The following CLDN10 variants were observed in gnomAD, a reference collection of about 807,000 sequenced individuals.
The protein encoded by CLDN10 is claudin-10.
In CLDN10, 15 loss-of-function variants were observed where a neutral mutation model predicts 22.9. That is an observed-to-expected ratio of 0.65 (90% CI 0.44 to 1.01). CLDN10 has a LOEUF of 1.01. Ranked by LOEUF, CLDN10 falls within the 50% of genes least tolerant of loss-of-function variation. The probability of loss-of-function intolerance (pLI) is 0.00; values close to 1 mark genes in which losing one functional copy is unlikely to be tolerated. For synonymous variants in CLDN10, 114 were observed against 111.4 expected, an observed-to-expected ratio of 1.02 and a Z score of -0.15; for missense variants, 247 against 287.8, an observed-to-expected ratio of 0.86 and a Z score of 1.03.
intron 1 of CLDN10, among the ~76,000 whole-genome samples, chr13:95,459,447 A>T (rs2042513820): frequency 6.6e-6 from 1 of 152,228 alleles, no homozygotes; most frequent in Non-Finnish European, 1.5e-5. Context: ...AAATCTAGGC[A>T]GAGGTTCTCA....
chr13:95,551,536 A>T (rs1053753391), upstream of CLDN10, among the ~76,000 whole-genome samples: 190 of 152,206 alleles, frequency 1.2e-3, 2 homozygotes, highest in African/African-American at 4.3e-3. Context: ...AAAAAAAAAA[A>T]GTGACAAAGG....
At chr13:95,478,479 G>A (rs2139111618) in intron 1 of CLDN10, among the ~76,000 whole-genome samples, 1 of 152,314 alleles carries the variant, frequency 6.6e-6, no homozygotes, top group South Asian at 2.1e-4. Context: ...TTGCCATACG[G>A]AAGATATAAT....
intron 3 of CLDN10, among the ~76,000 whole-genome samples, chr13:95,565,214 C>T (rs1407761646): frequency 5.9e-5 from 9 of 152,144 alleles, no homozygotes; most frequent in South Asian, 2.1e-4. Context: ...AATTTAATTA[C>T]GTTATTCCCA....
chr13:95,575,177 G>A (rs1323280528), intron 3 of CLDN10, among the ~76,000 whole-genome samples: 1 of 152,174 alleles, frequency 6.6e-6, no homozygotes, highest in African/African-American at 2.4e-5. Flanking sequence ...ATAGTTTCAG[G>A]AGAGAAGATA....
intron 1 of CLDN10, among the ~76,000 whole-genome samples, chr13:95,524,128 G>T (rs1594586309): frequency 7.4e-6 from 1 of 135,370 alleles, no homozygotes; most frequent in African/African-American, 2.7e-5. Flanking sequence ...GTCTCACTCT[G>T]CTTTGACTGG....
intron 1 of CLDN10, among the ~76,000 whole-genome samples, chr13:95,480,710 A>G (rs2042737898): frequency 6.6e-6 from 1 of 152,224 alleles, no homozygotes; most frequent in Non-Finnish European, 1.5e-5. Context: ...AGGAATTTGC[A>G]TTTTAAGCAA....
intron 1 of CLDN10, among the ~76,000 whole-genome samples, chr13:95,459,918 T>C (rs1181344221): frequency 2.0e-5 from 3 of 152,230 alleles, no homozygotes; most frequent in Non-Finnish European, 4.4e-5. Context: ...TGTGAATGCA[T>C]ACAACTGAAT....
At chr13:95,439,340 A>T in intron 1 of CLDN10, among the ~76,000 whole-genome samples, 1 of 141,124 alleles carries the variant, frequency 7.1e-6, no homozygotes, top group Non-Finnish European at 1.5e-5. Context: ...CCTCTTTTTT[A>T]TGTTATTATT....
chr13:95,507,695 T>C (rs971371104), intron 1 of CLDN10, among the ~76,000 whole-genome samples: 1 of 151,896 alleles, frequency 6.6e-6, no homozygotes, highest in African/African-American at 2.4e-5. Flanking sequence ...GCAATCTTGG[T>C]TAACCACAAC....
At chr13:95,518,924 A>G (rs1212039311) in intron 1 of CLDN10, among the ~76,000 whole-genome samples, 1 of 152,160 alleles carries the variant, frequency 6.6e-6, no homozygotes, top group East Asian at 1.9e-4. Context: ...ATTTTGGTTT[A>G]GAGTGTGATC....
intron 1 of CLDN10, among the ~76,000 whole-genome samples, chr13:95,454,069 G>A (rs536906573): frequency 3.9e-5 from 6 of 152,204 alleles, no homozygotes; most frequent in African/African-American, 7.2e-5. Context: ...AGATCTACCC[G>A]CAACCAGGTT....
chr13:95,532,792 C>CAAAAA (rs57500288), intron 1 of CLDN10, among the ~76,000 whole-genome samples: 16,869 of 61,730 alleles, frequency 0.27, 2,708 homozygotes, highest in South Asian at 0.29. Flanking sequence ...CTCAATTCAG[C>CAAAAA]AAAAAAAAAA....
intron 1 of CLDN10, among the ~76,000 whole-genome samples, chr13:95,444,613 G>A (rs900281693): frequency 2.0e-5 from 3 of 152,232 alleles, no homozygotes; most frequent in Non-Finnish European, 2.9e-5. Flanking sequence ...TGTCTTGAAA[G>A]ATGGGCGAAG....
intron 1 of CLDN10, among the ~76,000 whole-genome samples, chr13:95,524,266 C>T (rs1001683361): frequency 3.3e-5 from 5 of 152,202 alleles, no homozygotes; most frequent in African/African-American, 1.2e-4. Context: ...GCCTTTCACA[C>T]GTTTTGAAAA....
chr13:95,566,271 AT>A (rs1253838813), intron 3 of CLDN10, among the ~76,000 whole-genome samples: 2 of 152,120 alleles, frequency 1.3e-5, no homozygotes, highest in Non-Finnish European at 2.9e-5. Context: ...ATTTCTCCAC[AT>A]CCTCCCCAGA....
chr13:95,543,213 C>G (rs1321016780), intron 1 of CLDN10, among the ~76,000 whole-genome samples: 1 of 151,586 alleles, frequency 6.6e-6, no homozygotes, highest in Non-Finnish European at 1.5e-5. Context: ...GCCTGGGCGA[C>G]AGAGCGAGAC....
At chr13:95,457,142 G>A (rs2042489521) in intron 1 of CLDN10, among the ~76,000 whole-genome samples, 1 of 152,116 alleles carries the variant, frequency 6.6e-6, no homozygotes, top group Non-Finnish European at 1.5e-5. Context: ...CTGTTGTTGT[G>A]TATGCATTTG....
chr13:95,475,213 C>T (rs1482581101), intron 1 of CLDN10, among the ~76,000 whole-genome samples: 1 of 152,330 alleles, frequency 6.6e-6, no homozygotes, highest in Admixed American at 6.5e-5. Context: ...ACCCCTGCCC[C>T]CTGCTGCCTG....
intron 1 of CLDN10, chr13:95,434,058 T>C (rs921925094): frequency 6.8e-6 from 11 of 1,609,458 alleles, no homozygotes; most frequent in East Asian, 4.5e-5. Context: ...GTAAATATAA[T>C]GGCTTTGTTT....
Sources: allele counts gnomAD v4.1 joint callset (sites outside exome capture counted in the v4.1 genomes callset), GRCh38; gene constraint gnomAD v4.1.1; transcripts MANE v1.5; gene names NCBI Gene and HGNC (gene_info 2026-07-23, HGNC 2026-07-21).